Variants in ADIPOR2 observed in about 807,000 individuals in gnomAD.
The protein encoded by ADIPOR2 is adiponectin receptor 2, also known as adiponectin receptor protein 2.
Under a neutral mutation model 40.9 loss-of-function variants are expected in ADIPOR2, and 18 were observed. That is an observed-to-expected ratio of 0.44 (90% CI 0.30 to 0.65). The LOEUF (loss-of-function observed/expected upper bound fraction) is 0.65, where lower values mean the gene tolerates loss of function less well. ADIPOR2 is among the 30% of genes least tolerant of loss of function. The probability of loss-of-function intolerance (pLI) is 0.09; values close to 1 mark genes in which losing one functional copy is unlikely to be tolerated. For missense variants in ADIPOR2, 283 were observed against 479.2 expected, an observed-to-expected ratio of 0.59 and a Z score of 3.82; for synonymous variants, 165 against 166.4, an observed-to-expected ratio of 0.99 and a Z score of 0.06.
chr12:1,695,952 C>T (rs1267888969), intron 1 of ADIPOR2: 1 of 152,640 alleles, frequency 6.6e-6, no homozygotes, highest in Non-Finnish European at 1.5e-5. Flanking sequence ...ACCTAATCAT[C>T]AAAGTTCTTC....
chr12:1,775,949 T>C (rs1440298654), intron 3 of ADIPOR2, among the ~76,000 whole-genome samples: 2 of 152,190 alleles, frequency 1.3e-5, no homozygotes, highest in Non-Finnish European at 2.9e-5. Context: ...GTTAAAAATA[T>C]AGATTAGTCT....
At chr12:1,694,641 G>A (rs927173598) in intron 1 of ADIPOR2, among the ~76,000 whole-genome samples, 4 of 152,128 alleles carry the variant, frequency 2.6e-5, no homozygotes, top group African/African-American at 9.7e-5. Flanking sequence ...GGATATGGAG[G>A]GCCAACTGTA....
intron 1 of ADIPOR2, among the ~76,000 whole-genome samples, chr12:1,748,104 G>GC (rs1052011820): frequency 2.0e-4 from 30 of 151,448 alleles, no homozygotes; most frequent in East Asian, 9.7e-4. Context: ...TTACTGTTGA[G>GC]CCCCCCCACC....
At chr12:1,764,576 C>CAG (rs1428442011) in intron 2 of ADIPOR2, among the ~76,000 whole-genome samples, 5 of 105,876 alleles carry the variant, frequency 4.7e-5, no homozygotes, top group Non-Finnish European at 2.0e-5. Flanking sequence ...CACACACACA[C>CAG]ACACACACAC....
intron 1 of ADIPOR2, among the ~76,000 whole-genome samples, chr12:1,736,343 A>G (rs1481622729): frequency 6.6e-6 from 1 of 152,186 alleles, no homozygotes; most frequent in African/African-American, 2.4e-5. Context: ...GTGTCGAGGA[A>G]TTTATCCATT....
chr12:1,719,822 G>A (rs571631126), intron 1 of ADIPOR2, among the ~76,000 whole-genome samples: 123 of 152,158 alleles, frequency 8.1e-4, no homozygotes, highest in African/African-American at 2.8e-3. Flanking sequence ...TTACAGGTAT[G>A]TACCACCATG....
intron 2 of ADIPOR2, among the ~76,000 whole-genome samples, chr12:1,755,515 G>A (rs562567440): frequency 4.6e-5 from 7 of 152,302 alleles, no homozygotes; most frequent in South Asian, 2.1e-4. Flanking sequence ...TTCGAATTGC[G>A]TGTTAGAGCT....
At chr12:1,737,536 A>G (rs560470097) in intron 1 of ADIPOR2, among the ~76,000 whole-genome samples, 2 of 152,286 alleles carry the variant, frequency 1.3e-5, no homozygotes, top group South Asian at 4.1e-4. Flanking sequence ...AAAGAAGTAC[A>G]CCAGTGAGTT....
At chr12:1,695,234 A>G (rs2094636004) in intron 1 of ADIPOR2, among the ~76,000 whole-genome samples, 1 of 151,928 alleles carries the variant, frequency 6.6e-6, no homozygotes, top group African/African-American at 2.4e-5. Flanking sequence ...TTGCGCCTGT[A>G]GTTCCAGCTA....
chr12:1,741,787 A>G (rs1391899508), intron 1 of ADIPOR2, among the ~76,000 whole-genome samples: 3 of 152,186 alleles, frequency 2.0e-5, no homozygotes, highest in Non-Finnish European at 4.4e-5. Flanking sequence ...TGGAATGACT[A>G]TGCATGCAAT....
intron 1 of ADIPOR2, among the ~76,000 whole-genome samples, chr12:1,738,641 T>G (rs755015797): frequency 2.0e-5 from 3 of 152,216 alleles, no homozygotes; most frequent in Non-Finnish European, 2.9e-5. Context: ...TAGTGGTTTA[T>G]GCTGGTCCCC....
intron 1 of ADIPOR2, among the ~76,000 whole-genome samples, chr12:1,738,245 G>T (rs2094735358): frequency 6.6e-6 from 1 of 151,588 alleles, no homozygotes; most frequent in Non-Finnish European, 1.5e-5. Context: ...ACCAGGCATG[G>T]TGGTATGTGC....
chr12:1,744,839 C>CAAT (rs2094751530), intron 1 of ADIPOR2, among the ~76,000 whole-genome samples: 1 of 152,200 alleles, frequency 6.6e-6, no homozygotes, highest in African/African-American at 2.4e-5. Context: ...ACTTTATTCT[C>CAAT]AATATAAGCT....
At chr12:1,726,862 ATTTGC>A (rs2094709071) in intron 1 of ADIPOR2, among the ~76,000 whole-genome samples, 1 of 152,040 alleles carries the variant, frequency 6.6e-6, no homozygotes, top group South Asian at 2.1e-4. Flanking sequence ...TCCGCTTTGA[ATTTGC>A]TTCCCTTCTT....
At chr12:1,732,541 T>G (rs565832799) in intron 1 of ADIPOR2, among the ~76,000 whole-genome samples, 2 of 152,368 alleles carry the variant, frequency 1.3e-5, no homozygotes, top group South Asian at 2.1e-4. Context: ...GTACCACAGT[T>G]TGTTTATTCA....
intron 1 of ADIPOR2, among the ~76,000 whole-genome samples, chr12:1,693,455 G>A (rs997911354): frequency 5.3e-5 from 8 of 151,586 alleles, no homozygotes; most frequent in Non-Finnish European, 8.8e-5. Context: ...TGTGATTATA[G>A]AATTTGTTGG....
intron 2 of ADIPOR2, among the ~76,000 whole-genome samples, chr12:1,768,971 C>T (rs951629943): frequency 6.6e-6 from 1 of 152,106 alleles, no homozygotes; most frequent in African/African-American, 2.4e-5. Flanking sequence ...TTTAATCTGT[C>T]ACAATGTCAT....
intron 2 of ADIPOR2, among the ~76,000 whole-genome samples, chr12:1,754,785 T>C (rs546895255): frequency 1.3e-5 from 2 of 151,768 alleles, no homozygotes; most frequent in African/African-American, 4.8e-5. Flanking sequence ...CCAGGCGGAG[T>C]GCAGTAGCAT....
At chr12:1,692,381 A>G (rs1300300704) in intron 1 of ADIPOR2, among the ~76,000 whole-genome samples, 1 of 152,232 alleles carries the variant, frequency 6.6e-6, no homozygotes, top group Non-Finnish European at 1.5e-5. Context: ...ATTTGTTGTC[A>G]GAGTGTTGAT....
Sources: allele counts gnomAD v4.1 joint callset (sites outside exome capture counted in the v4.1 genomes callset), GRCh38; gene constraint gnomAD v4.1.1; transcripts MANE v1.5; gene names NCBI Gene and HGNC (gene_info 2026-07-23, HGNC 2026-07-21).